CNDP2: variants seen among roughly 807,000 people sequenced by gnomAD.
CNDP2 encodes the protein cytosolic non-specific dipeptidase.
CNDP2 carries 38 observed loss-of-function variants against 55.0 expected under a neutral mutation model. The observed-to-expected ratio is 0.69, with a 90% CI of 0.53 to 0.90. The LOEUF (loss-of-function observed/expected upper bound fraction) is 0.90. Among genes scored for constraint, CNDP2 ranks in the 40% least tolerant of loss-of-function variants. The probability of loss-of-function intolerance (pLI) is 0.00; values close to 1 mark genes in which losing one functional copy is unlikely to be tolerated. For missense variants in CNDP2, 607 were observed against 621.7 expected, an observed-to-expected ratio of 0.98 and a Z score of 0.25; for synonymous variants, 241 against 260.2, an observed-to-expected ratio of 0.93 and a Z score of 0.71.
Position 74,512,795 on chromosome 18 carries a change from C to G in CNDP2, c.742+263C>G, listed in dbSNP as rs1425537253. Among the ~76,000 whole-genome samples, 4 of 152,172 alleles carry G rather than the reference C, an allele frequency of 2.6e-5. No individual in the cohort carries two copies. In the East Asian group the frequency reaches 7.7e-4, roughly 29 times the overall value. Reference sequence around the variant, plus strand: ...GCCTCCAGCACCCAACTCAGTCACCCCCAGGTCCTGTCTGGCCAAGCCCCT... The same window carrying G: ...GCCTCCAGCACCCAACTCAGTCACCGCCAGGTCCTGTCTGGCCAAGCCCCT... On this transcript the variant is annotated intron_variant, in intron 7 of 11. Transcript: ENST00000324262.
chr18:74,513,689 G>C lies in CNDP2; in HGVS notation c.873G>C (p.Val291=), dbSNP rs1035032832. 1.2e-6 allele frequency: 2 copies of C among 1,614,012 alleles called. No individual in the cohort carries two copies. The highest frequency in any genetic ancestry group is 1.7e-6 in the Non-Finnish European group (2 of 1,179,976). ...DFDIEEFAKD[V]GAQILLHSHK... Reference sequence around the variant, plus strand: ...ACATAGAGGAGTTTGCCAAGGATGTGGGGGCGCAGATCCTCCTGCACAGCC... The same window carrying C: ...ACATAGAGGAGTTTGCCAAGGATGTCGGGGCGCAGATCCTCCTGCACAGCC... The change falls in exon 8 of 12, where the codon GTG becomes GTC. Residue 291 remains valine, a synonymous_variant. Transcript: ENST00000324262.
At chr18:74,514,923 G>T (rs1423173642) in intron 8 of CNDP2, among the ~76,000 whole-genome samples, 1 of 152,224 alleles carries the variant, frequency 6.6e-6, no homozygotes, top group African/African-American at 2.4e-5. Flanking sequence ...AGGATATGCT[G>T]AGGGCCACGC....
At chr18:74,518,294 T>C (rs1184445776) in intron 9 of CNDP2, 2 of 496,790 alleles carry the variant, frequency 4.0e-6, no homozygotes, top group Admixed American at 3.5e-5. Context: ...AGAAGTCTCC[T>C]CTTTCCTTAC....
chr18:74,523,391 A>T lies in CNDP2; in HGVS notation c.*3323A>T, dbSNP rs916256388. 5 of 152,158 alleles carry T rather than the reference A, an allele frequency of 3.3e-5. No individual in the cohort carries two copies. Among genetic ancestry groups the T allele is most frequent in the Non-Finnish European group, 7.3e-5 (5 of 68,034 alleles). The allele number at this position is 152,158 out of a possible 1,614,324, so 9.4% of individuals were successfully genotyped here. ...AAGAACGGTTCCCACTCATGCATGG[A>T]GCTGGATCTTCTCAAGTGGGAAACA... is the stretch of plus-strand genomic sequence containing the variant. On this transcript the variant is annotated 3_prime_UTR_variant, in exon 12 of 12. Transcript: ENST00000324262.
At chr18:74,506,137 T>G in intron 4 of CNDP2, 126 bp downstream of exon 4, 1 of 925,132 alleles carries the variant, frequency 1.1e-6, no homozygotes, top group South Asian at 5.0e-5. Flanking sequence ...TATTACTTTT[T>G]AAAAATCTTT....
intron 1 of CNDP2, among the ~76,000 whole-genome samples, chr18:74,497,051 A>C (rs1568275467): frequency 1.3e-5 from 2 of 152,234 alleles, no homozygotes; most frequent in East Asian, 3.9e-4. Context: ...TGTCTTATTC[A>C]ATTGGCTTCA....
chr18:74,514,262 T>A (rs1330031056), intron 8 of CNDP2, among the ~76,000 whole-genome samples: 1 of 152,126 alleles, frequency 6.6e-6, no homozygotes, highest in Non-Finnish European at 1.5e-5. Flanking sequence ...GTGGTATGGA[T>A]GTAAGTTCTG....
At chr18:74,515,418 A>C (rs1979611661) in intron 8 of CNDP2, among the ~76,000 whole-genome samples, 1 of 151,934 alleles carries the variant, frequency 6.6e-6, no homozygotes. Context: ...GCCTGGGAGA[A>C]GGTGGGTCTG....
rs539472166 is a variant in CNDP2, at chr18:74,516,412, G to A, written c.1068+20G>A. On this transcript the variant is annotated intron_variant, in intron 9 of 11. Coordinates refer to ENST00000324262, the MANE Select transcript of CNDP2 (RefSeq NM_018235.3). ...GAGCAGGCATGTGGGGCTGGGACAC[G>A]GGGTGGGGGCCAAGAGCTACTGTGT... 10 of 1,594,460 alleles carry A rather than the reference G, an allele frequency of 6.3e-6. No individual in the cohort carries two copies. The highest frequency in any genetic ancestry group is 3.4e-5 in the South Asian group (3 of 88,598).
chr18:74,513,244 C>T (rs575575691), intron 7 of CNDP2, among the ~76,000 whole-genome samples: 1 of 152,366 alleles, frequency 6.6e-6, no homozygotes, highest in African/African-American at 2.4e-5. Context: ...TTCCTTTCCC[C>T]ACTTGTTCCT....
rs140488511 is a variant in CNDP2, at chr18:74,501,550, T to C, written c.204+78T>C. 59 of 1,502,484 alleles carry C rather than the reference T, an allele frequency of 3.9e-5. No individual in the cohort carries two copies. In the East Asian group the frequency reaches 1.3e-3, roughly 34 times the overall value. 93.1% of individuals were successfully genotyped at this position (1,502,484 alleles called of 1,614,324 possible). Reference sequence around the variant, plus strand: ...GGGTTGACAAGACGCCACAAGTTCTTAAAAGATCTTTTGCTTCACATACCC... The same window carrying C: ...GGGTTGACAAGACGCCACAAGTTCTCAAAAGATCTTTTGCTTCACATACCC... On this transcript the variant is annotated intron_variant, in intron 3 of 11. Transcript: ENST00000324262.
intron 1 of CNDP2, among the ~76,000 whole-genome samples, chr18:74,499,191 C>T (rs574570106): frequency 5.9e-5 from 9 of 152,190 alleles, no homozygotes; most frequent in Non-Finnish European, 1.0e-4. Context: ...CTTTCTGCTG[C>T]GGAAAGCCAA....
Position 74,508,831 on chromosome 18 carries a change from C to T in CNDP2, c.368-9C>T. 6.2e-7 allele frequency: 1 copy of T among 1,612,150 alleles called. No homozygotes were observed. Among genetic ancestry groups the T allele is most frequent in the Non-Finnish European group, 8.5e-7 (1 of 1,178,250 alleles). ...CATCACTTTATGAATTTGTGGATTG[C>T]TGTTCTAGGCAAGCTGTATGGGAGA... On this transcript the variant is annotated splice_polypyrimidine_tract_variant and intron_variant, in intron 4 of 11. Transcript: ENST00000324262.
chr18:74,510,445 G>A (rs995828624), intron 5 of CNDP2, among the ~76,000 whole-genome samples: 12 of 152,194 alleles, frequency 7.9e-5, no homozygotes, highest in African/African-American at 2.7e-4. Flanking sequence ...CGGGAGCAGC[G>A]AAGGTCACAC....
At chr18:74,518,892 G>C (rs1331801311) in intron 10 of CNDP2, 57 bp from the exon 11 acceptor site, 10 of 1,607,676 alleles carry the variant, frequency 6.2e-6, no homozygotes, top group Admixed American at 1.7e-5. Flanking sequence ...GTCTGAGACA[G>C]ATCCCCAGCC....
At chr18:74,519,943 A>G (rs1357037908) in intron 11 of CNDP2, 56 bp from the exon 12 acceptor site, 5 of 1,538,784 alleles carry the variant, frequency 3.2e-6, no homozygotes, top group Non-Finnish European at 4.5e-6. Flanking sequence ...GTCACCCCAC[A>G]CCTGGGTGTT....
intron 11 of CNDP2, among the ~76,000 whole-genome samples, chr18:74,519,602 G>A (rs1979934201): frequency 6.6e-6 from 1 of 152,158 alleles, no homozygotes; most frequent in South Asian, 2.1e-4. Flanking sequence ...ATGCATCCTG[G>A]GGTAACCAAG....
intron 1 of CNDP2, among the ~76,000 whole-genome samples, chr18:74,499,113 C>T (rs1242722300): frequency 6.6e-6 from 1 of 152,202 alleles, no homozygotes; most frequent in Admixed American, 6.5e-5. Flanking sequence ...GGTCCTGTCA[C>T]TCCACAGCTG....
At chr18:74,496,843 A>C (rs1978441865) in intron 1 of CNDP2, among the ~76,000 whole-genome samples, 2 of 151,882 alleles carry the variant, frequency 1.3e-5, no homozygotes, top group African/African-American at 4.8e-5. Context: ...CCTGCTGAGA[A>C]CTCCAGCCTT....
Sources: gnomAD v4.1 joint callset for allele counts (sites outside exome capture counted in the v4.1 genomes callset) on GRCh38, gnomAD v4.1.1 for gene constraint, MANE v1.5 for transcripts, NCBI Gene and HGNC (gene_info 2026-07-23, HGNC 2026-07-21) for gene names.